The following ABLIM3 variants were observed in gnomAD, a reference collection of about 807,000 sequenced individuals.
The protein encoded by ABLIM3 is actin-binding LIM protein 3.
In ABLIM3, 61 loss-of-function variants were observed where a neutral mutation model predicts 109.5. The ratio of observed to expected loss-of-function variants is 0.56; its 90% CI spans 0.45 to 0.69. The LOEUF (loss-of-function observed/expected upper bound fraction) is 0.69, where lower values mean the gene tolerates loss of function less well. Among genes scored for constraint, ABLIM3 ranks in the 30% least tolerant of loss-of-function variants. ABLIM3 has a pLI of 0.00. For missense variants in ABLIM3, 796 were observed against 889.5 expected (o/e 0.89, Z 1.34); for synonymous variants, 300 against 324.8 (o/e 0.92, Z 0.82).
At chr5:149,144,143 G>A (rs6893343) in intron 2 of ABLIM3, among the ~76,000 whole-genome samples, 62,916 of 152,052 alleles carry the variant, frequency 0.41, 13,497 homozygotes, top group Middle Eastern at 0.49. Flanking sequence ...TGGCAAAAAT[G>A]CCACTACTTT....
At chr5:149,164,726 A>C (rs1754675282) in intron 2 of ABLIM3, among the ~76,000 whole-genome samples, 1 of 152,192 alleles carries the variant, frequency 6.6e-6, no homozygotes, top group South Asian at 2.1e-4. Context: ...TCATATTTGG[A>C]GAGGGAGGAG....
intron 10 of ABLIM3, among the ~76,000 whole-genome samples, chr5:149,236,597 C>T (rs1752218027): frequency 6.6e-6 from 1 of 152,004 alleles, no homozygotes; most frequent in Non-Finnish European, 1.5e-5. Context: ...ATCCATGCAG[C>T]TCTAGAGGGA....
At chr5:149,235,069 A>G (rs942900642) in intron 10 of ABLIM3, among the ~76,000 whole-genome samples, 2 of 152,146 alleles carry the variant, frequency 1.3e-5, no homozygotes, top group African/African-American at 4.8e-5. Flanking sequence ...GGGCTTACAC[A>G]TTGAGATCAG....
At chr5:149,189,981 A>G (rs1757330011) in intron 3 of ABLIM3, among the ~76,000 whole-genome samples, 4 of 152,248 alleles carry the variant, frequency 2.6e-5, no homozygotes, top group Admixed American at 2.0e-4. Flanking sequence ...TCAACAAATG[A>G]ATGGATAAAT....
At chr5:149,235,043 T>C (rs2127552063) in intron 10 of ABLIM3, among the ~76,000 whole-genome samples, 1 of 152,330 alleles carries the variant, frequency 6.6e-6, no homozygotes, top group African/African-American at 2.4e-5. Context: ...CACCTGCGCT[T>C]GTGCCTTCCA....
chr5:149,193,092 C>T (rs1757648604), intron 3 of ABLIM3, among the ~76,000 whole-genome samples: 1 of 151,734 alleles, frequency 6.6e-6, no homozygotes, highest in Non-Finnish European at 1.5e-5. Flanking sequence ...CAACTGGTCA[C>T]TAAAACAAAA....
intron 2 of ABLIM3, among the ~76,000 whole-genome samples, chr5:149,169,567 C>T (rs1296035986): frequency 1.3e-5 from 2 of 152,194 alleles, no homozygotes; most frequent in Non-Finnish European, 2.9e-5. Flanking sequence ...GATTCCCTCC[C>T]CAAGTCAGGA....
Position 149,247,884 on chromosome 5 carries a change from C to G in ABLIM3, c.1654C>G (p.Arg552Gly), listed in dbSNP as rs1401146462. Residue 552 changes from arginine (R) to glycine (G), a missense_variant, in exon 18 of 24, where the codon CGG becomes GGG. Transcript: ENST00000309868. The part of the protein sequence containing the change: ...WTPPRSSTSS[R>G]EALHTAGYEM... The stretch of plus-strand genomic sequence containing the variant: ...CCCTCCCCGGAGCTCCACCAGCAGC[C>G]GGGAAGCCCTGCACACAGCTGGCTA... The G allele has an allele frequency of 8.1e-6, 13 of 1,614,212 alleles. No individual in the cohort carries two copies. The highest frequency in any genetic ancestry group is 1.1e-5 in the Non-Finnish European group (13 of 1,180,036).
At chr5:149,184,610 A>G (rs1035019072) in intron 3 of ABLIM3, among the ~76,000 whole-genome samples, 1 of 152,186 alleles carries the variant, frequency 6.6e-6, no homozygotes, top group African/African-American at 2.4e-5. Flanking sequence ...TGATACTCAG[A>G]ACAGATCACA....
At chr5:149,252,149 G>A in intron 21 of ABLIM3, 52 bp from the exon 22 acceptor site, 1 of 1,611,158 alleles carries the variant, frequency 6.2e-7, no homozygotes, top group Non-Finnish European at 8.5e-7. Flanking sequence ...GTGATGCAAA[G>A]CAAAGACTGA....
chr5:149,255,792 G>A (rs1162496571), intron 23 of ABLIM3, among the ~76,000 whole-genome samples: 1 of 152,194 alleles, frequency 6.6e-6, no homozygotes, highest in Non-Finnish European at 1.5e-5. Flanking sequence ...AAGGAAACTG[G>A]AAGCAGATCA....
intron 5 of ABLIM3, among the ~76,000 whole-genome samples, chr5:149,203,694 A>T (rs1019617527): frequency 2.9e-5 from 4 of 135,784 alleles, no homozygotes; most frequent in Non-Finnish European, 6.7e-5. Context: ...CATCAACACC[A>T]TCACCACCAT....
intron 2 of ABLIM3, among the ~76,000 whole-genome samples, chr5:149,147,379 A>G (rs1561529456): frequency 1.3e-5 from 2 of 152,030 alleles, no homozygotes; most frequent in Non-Finnish European, 2.9e-5. Flanking sequence ...TGATTTGTGT[A>G]TATTGAACCA....
chr5:149,239,190 T>G, intron 11 of ABLIM3, 58 bp from the exon 12 acceptor site: 1 of 1,584,164 alleles, frequency 6.3e-7, no homozygotes, highest in Non-Finnish European at 8.7e-7. Context: ...CTTCGTCTCG[T>G]CCTCCTCTCA....
intron 5 of ABLIM3, 145 bp downstream of exon 5, chr5:149,200,573 T>A (rs919148510): frequency 8.3e-6 from 6 of 725,718 alleles, no homozygotes; most frequent in African/African-American, 1.8e-5. Context: ...ATGACCCCAT[T>A]GGCATGTGGC....
intron 20 of ABLIM3, among the ~76,000 whole-genome samples, 189 bp from the exon 21 acceptor site, chr5:149,251,170 T>A (rs1305031212): frequency 1.3e-5 from 2 of 152,092 alleles, no homozygotes; most frequent in Non-Finnish European, 2.9e-5. Context: ...ATATATTGAG[T>A]AGCCACCATG....
intron 3 of ABLIM3, among the ~76,000 whole-genome samples, chr5:149,189,828 C>T (rs992854189): frequency 1.3e-5 from 2 of 152,058 alleles, no homozygotes; most frequent in East Asian, 1.9e-4. Flanking sequence ...TTAGAGTTAC[C>T]GTATGACCCA....
intron 23 of ABLIM3, among the ~76,000 whole-genome samples, chr5:149,255,496 TAAAG>T (rs1457065434): frequency 6.6e-6 from 1 of 152,136 alleles, no homozygotes; most frequent in Non-Finnish European, 1.5e-5. Context: ...GGAAAAAAGT[TAAAG>T]GAGAGAAGAG....
chr5:149,239,900 G>A lies in ABLIM3; in HGVS notation c.1204+12G>A. 1.3e-6 allele frequency: 2 copies of A among 1,597,116 alleles called. No individual in the cohort carries two copies. The highest frequency in any genetic ancestry group is 1.7e-6 in the Non-Finnish European group (2 of 1,171,676). On this transcript the variant is annotated intron_variant, in intron 13 of 23. Transcript: ENST00000309868. ...CTACTACCGCTCTGGTAAGGAAGGGGGAGGACCTGAAGGGAGAGGAAGAGC... is the reference window on the plus strand; with the variant it reads ...CTACTACCGCTCTGGTAAGGAAGGGAGAGGACCTGAAGGGAGAGGAAGAGC...
Sources: gnomAD v4.1 joint callset for allele counts (sites outside exome capture counted in the v4.1 genomes callset) on GRCh38, gnomAD v4.1.1 for gene constraint, MANE v1.5 for transcripts, NCBI Gene and HGNC (gene_info 2026-07-23, HGNC 2026-07-21) for gene names.